Variants in RBMS1 observed in about 807,000 individuals in gnomAD.
The protein encoded by RBMS1 is RNA binding motif single stranded interacting protein 1, also known as RNA-binding motif, single-stranded-interacting protein 1.
RBMS1 carries 17 observed loss-of-function variants against 62.3 expected under a neutral mutation model. The observed-to-expected ratio is 0.27, with a 90% confidence interval of 0.19 to 0.41. RBMS1 has a LOEUF of 0.41. RBMS1 is among the 10% of genes least tolerant of loss of function. RBMS1 has a pLI of 1.00. For synonymous variants in RBMS1, 172 were observed against 170.0 expected (o/e 1.01, Z -0.09); for missense variants, 334 against 504.5 (o/e 0.66, Z 3.24).
intron 1 of RBMS1, among the ~76,000 whole-genome samples, chr2:160,461,642 C>T (rs1415616010): frequency 6.6e-6 from 1 of 152,272 alleles, no homozygotes; most frequent in African/African-American, 2.4e-5. Flanking sequence ...GAAGATACCC[C>T]AGCTGGGCTC....
intron 1 of RBMS1, among the ~76,000 whole-genome samples, chr2:160,481,914 T>A (rs1685388196): frequency 6.6e-6 from 1 of 152,172 alleles, no homozygotes; most frequent in African/African-American, 2.4e-5. Context: ...AGAAAACTGG[T>A]AGTGTCTACC....
intron 1 of RBMS1, among the ~76,000 whole-genome samples, chr2:160,396,791 C>T (rs1695166908): frequency 6.6e-6 from 1 of 152,086 alleles, no homozygotes; most frequent in Non-Finnish European, 1.5e-5. Flanking sequence ...TCTCGAACTC[C>T]TGACCTCGTA....
intron 1 of RBMS1, among the ~76,000 whole-genome samples, chr2:160,483,897 T>G (rs1038402723): frequency 7.6e-6 from 1 of 131,218 alleles, no homozygotes; most frequent in Non-Finnish European, 1.7e-5. Flanking sequence ...CAGAGTCTGT[T>G]GAGCTACAAC....
intron 2 of RBMS1, among the ~76,000 whole-genome samples, chr2:160,326,162 G>A (rs1048411654): frequency 6.6e-6 from 1 of 152,188 alleles, no homozygotes; most frequent in South Asian, 2.1e-4. Context: ...GGCGCTGAAG[G>A]TGAAGGGATT....
At chr2:160,308,830 G>C (rs917551732) in intron 4 of RBMS1, among the ~76,000 whole-genome samples, 2 of 152,158 alleles carry the variant, frequency 1.3e-5, no homozygotes, top group Non-Finnish European at 2.9e-5. Context: ...CTGTAGACAC[G>C]ACATATAGTG....
At chr2:160,362,735 T>C (rs767425950) in intron 2 of RBMS1, among the ~76,000 whole-genome samples, 4 of 152,084 alleles carry the variant, frequency 2.6e-5, no homozygotes, top group Admixed American at 1.3e-4. Context: ...AAAATGCCAA[T>C]AGACTTGCCC....
intron 7 of RBMS1, among the ~76,000 whole-genome samples, 164 bp downstream of exon 7, chr2:160,286,805 T>G (rs1688424738): frequency 6.6e-6 from 1 of 152,186 alleles, no homozygotes; most frequent in South Asian, 2.1e-4. Context: ...AGAATTTTAA[T>G]TTGGCATCAC....
chr2:160,374,439 A>G (rs1458588687), intron 1 of RBMS1, among the ~76,000 whole-genome samples: 1 of 152,096 alleles, frequency 6.6e-6, no homozygotes, highest in East Asian at 1.9e-4. Context: ...TTGGGGTAGG[A>G]GTGTGGTGGT....
In RBMS1 at chr2:160,318,172, T is replaced by C. The variant is rs747310105; in HGVS notation, c.307A>G (p.Lys103Glu). Residue 103 changes from lysine (K) to glutamate (E), a missense_variant, in exon 3 of 14, where the codon AAA (lysine) becomes GAA (glutamate). Lys to Glu is a moderately conservative substitution (Grantham distance 56). Around this residue, in one of 3 missense-constraint regions of RBMS1, gnomAD observed 150 missense variants for 228.0 expected, o/e 0.66. Coordinates refer to ENST00000348849, the MANE Select transcript of RBMS1 (RefSeq NM_016836.4). ...ATAACCAGCCAAGAAAACATACCTT[T>C]GCATTTGTTCGTTGTCTTATCCAAA... Reference protein sequence around the residue: ...AILDKTTNKCKGYGFVDFDSP... With the variant: ...AILDKTTNKCEGYGFVDFDSP... 1 of 1,594,794 alleles carries C rather than the reference T, an allele frequency of 6.3e-7. No individual in the cohort carries two copies. The highest frequency in any genetic ancestry group is 8.5e-7 in the Non-Finnish European group (1 of 1,173,666).
intron 1 of RBMS1, among the ~76,000 whole-genome samples, chr2:160,386,540 C>CAAAAAAA (rs60611251): frequency 7.2e-6 from 1 of 138,344 alleles, no homozygotes; most frequent in Non-Finnish European, 1.6e-5. Flanking sequence ...GACTCCATCT[C>CAAAAAAA]AAAAAAAAAA....
chr2:160,275,791 C>T (rs774553874), intron 12 of RBMS1, 77 bp from the exon 13 acceptor site: 11 of 1,588,028 alleles, frequency 6.9e-6, no homozygotes, highest in Non-Finnish European at 9.5e-6. Flanking sequence ...CTGACTGAAT[C>T]CAACAGTGCC....
At chr2:160,421,702 G>A (rs914425711) in intron 1 of RBMS1, among the ~76,000 whole-genome samples, 1 of 152,140 alleles carries the variant, frequency 6.6e-6, no homozygotes, top group Non-Finnish European at 1.5e-5. Context: ...TTCTGGTTCT[G>A]GATCCTTGAG....
chr2:160,426,287 A>G (rs1682599255), intron 1 of RBMS1, among the ~76,000 whole-genome samples: 1 of 113,190 alleles, frequency 8.8e-6, no homozygotes, highest in South Asian at 3.0e-4. Flanking sequence ...GAAAGAAAGA[A>G]AGAAAAGAAA....
intron 1 of RBMS1, among the ~76,000 whole-genome samples, chr2:160,406,317 T>A (rs570484053): frequency 6.6e-6 from 1 of 152,278 alleles, no homozygotes; most frequent in Non-Finnish European, 1.5e-5. Context: ...CAAAAAAGAA[T>A]GACTCTGACG....
At chr2:160,308,251 C>T (rs897084598) in intron 4 of RBMS1, among the ~76,000 whole-genome samples, 6 of 151,930 alleles carry the variant, frequency 3.9e-5, no homozygotes, top group Admixed American at 3.3e-4. Context: ...AAAAATTAGC[C>T]AGGTGTGGTA....
chr2:160,448,286 T>TC (rs1683751873), intron 1 of RBMS1, among the ~76,000 whole-genome samples: 2 of 123,780 alleles, frequency 1.6e-5, no homozygotes, highest in Non-Finnish European at 1.7e-5. Context: ...TAACTCCCCC[T>TC]CCCCCTCCCC....
At chr2:160,371,173 C>T (rs951196512) in intron 1 of RBMS1, among the ~76,000 whole-genome samples, 2 of 152,180 alleles carry the variant, frequency 1.3e-5, no homozygotes, top group African/African-American at 4.8e-5. Flanking sequence ...AAATTTACAG[C>T]AATTACACTT....
chr2:160,407,379 G>A, intron 1 of RBMS1: 2 of 985,722 alleles, frequency 2.0e-6, no homozygotes, highest in South Asian at 4.7e-5. Context: ...CGGTCCCTCC[G>A]AGGAGGCGCG....
intron 2 of RBMS1, among the ~76,000 whole-genome samples, chr2:160,331,825 G>T (rs1691292594): frequency 6.6e-6 from 1 of 152,252 alleles, no homozygotes; most frequent in Middle Eastern, 3.4e-3. Context: ...AACTGGAGTC[G>T]AGTGTTTGCA....
Sources: allele counts gnomAD v4.1 joint callset (sites outside exome capture counted in the v4.1 genomes callset), GRCh38; gene constraint gnomAD v4.1.1; regional missense constraint gnomAD v4.1.1; transcripts MANE v1.5; gene names NCBI Gene and HGNC (gene_info 2026-07-23, HGNC 2026-07-21).